PLAT: variants seen among roughly 807,000 people sequenced by gnomAD.
PLAT encodes the protein plasminogen activator, tissue type, also known as tissue-type plasminogen activator.
PLAT carries 48 observed loss-of-function variants against 74.9 expected under a neutral mutation model. That is an observed-to-expected ratio of 0.64 (90% CI 0.51 to 0.82). PLAT has a LOEUF of 0.82. PLAT is among the 40% of genes least tolerant of loss of function. PLAT has a pLI of 0.00. For synonymous variants in PLAT, 307 were observed against 294.4 expected (o/e 1.04, Z -0.44); for missense variants, 673 against 736.2 (o/e 0.91, Z 0.99).
chr8:42,192,002 CTTTTTT>C (rs1177070988), intron 2 of PLAT, among the ~76,000 whole-genome samples: 2 of 127,136 alleles, frequency 1.6e-5, no homozygotes, highest in African/African-American at 5.9e-5. Context: ...TTGCCTTTTT[CTTTTTT>C]TTTTTTTTTT....
chr8:42,202,331 G>A (rs1174879514), intron 1 of PLAT, among the ~76,000 whole-genome samples: 2 of 152,160 alleles, frequency 1.3e-5, no homozygotes, highest in Non-Finnish European at 2.9e-5. Flanking sequence ...TGTGTGCCCG[G>A]CCTCTGTTAG....
intron 1 of PLAT, among the ~76,000 whole-genome samples, chr8:42,200,832 CTTTT>C (rs939148071): frequency 6.8e-6 from 1 of 146,920 alleles, no homozygotes; most frequent in Non-Finnish European, 1.5e-5. Context: ...CCAATTGTAA[CTTTT>C]TTTTTTTTTC....
At chr8:42,196,075 G>A (rs973569000) in intron 1 of PLAT, among the ~76,000 whole-genome samples, 22 of 152,152 alleles carry the variant, frequency 1.4e-4, no homozygotes, top group African/African-American at 3.1e-4. Context: ...CCCAGATGCC[G>A]GGAAACTGCA....
chr8:42,197,935 C>A (rs181038226), intron 1 of PLAT, among the ~76,000 whole-genome samples: 1 of 152,196 alleles, frequency 6.6e-6, no homozygotes, highest in Admixed American at 6.5e-5. Context: ...TGACATCCTG[C>A]GGTTTCTGTT....
chr8:42,203,006 C>T (rs1344406996), intron 1 of PLAT, among the ~76,000 whole-genome samples: 1 of 152,142 alleles, frequency 6.6e-6, no homozygotes, highest in African/African-American at 2.4e-5. Flanking sequence ...GACAGTCGCC[C>T]CCGGGCTCTT....
chr8:42,194,050 CTT>C (rs59850705), intron 1 of PLAT, among the ~76,000 whole-genome samples: 56 of 84,918 alleles, frequency 6.6e-4, no homozygotes, highest in African/African-American at 2.2e-3. Context: ...TTTCTTCTTT[CTT>C]TTTTTTTTTT....
chr8:42,191,451 A>G (rs778258797), intron 2 of PLAT, 37 bp from the exon 3 acceptor site: 1 of 1,606,912 alleles, frequency 6.2e-7, no homozygotes. Flanking sequence ...GGATCAGCAC[A>G]TGCCAGGTGT....
At chr8:42,182,943 A>G (rs1805310010) in intron 7 of PLAT, 53 bp from the exon 8 acceptor site, 1 of 1,478,466 alleles carries the variant, frequency 6.8e-7, no homozygotes, top group East Asian at 2.3e-5. Context: ...GAAGCACGCA[A>G]GTCAGGGCTG....
At chr8:42,195,175 C>T (rs1474432655) in intron 1 of PLAT, among the ~76,000 whole-genome samples, 1 of 151,928 alleles carries the variant, frequency 6.6e-6, no homozygotes, top group Non-Finnish European at 1.5e-5. Flanking sequence ...CAGGCCTTGC[C>T]TCCCTGCCTG....
chr8:42,187,194 A>G (rs1330395040), intron 6 of PLAT: 1 of 480,408 alleles, frequency 2.1e-6, no homozygotes, highest in Non-Finnish European at 3.7e-6. Flanking sequence ...TGTATCATCT[A>G]TTTATCTAAT....
intron 11 of PLAT, 57 bp downstream of exon 11, chr8:42,180,185 C>CA: frequency 6.2e-7 from 1 of 1,606,186 alleles, no homozygotes; most frequent in Non-Finnish European, 8.5e-7. Context: ...TAGGTGAGTG[C>CA]ATGTGGGTGT....
At chr8:42,186,812 T>C (rs1157656683) in intron 6 of PLAT, 3 of 149,598 alleles carry the variant, frequency 2.0e-5, no homozygotes, top group African/African-American at 7.3e-5. Flanking sequence ...CACCTATGTA[T>C]CTATCATCTA....
rs780106353 is a variant in PLAT, at chr8:42,175,565, C to G, written c.*428G>C. ...CTGGGCTCTTGTGACTATAAATATACTGTCTATTTCTAATGCAATCCGTCT... is the reference window on the plus strand; with the variant it reads ...CTGGGCTCTTGTGACTATAAATATAGTGTCTATTTCTAATGCAATCCGTCT... On this transcript the variant is annotated 3_prime_UTR_variant, in exon 14 of 14. Coordinates refer to ENST00000220809, the MANE Select transcript of PLAT (RefSeq NM_000930.5). 2 of 156,804 alleles carry G rather than the reference C, an allele frequency of 1.3e-5. No homozygotes were observed. Among genetic ancestry groups the G allele is most frequent in the Non-Finnish European group, 2.8e-5 (2 of 70,782 alleles). 9.7% of individuals were successfully genotyped at this position (156,804 alleles called of 1,614,324 possible). A position where few individuals can be genotyped will look rare whatever the true frequency, so the allele number is the denominator to read the frequency against.
intron 4 of PLAT, 47 bp from the exon 5 acceptor site, chr8:42,188,063 G>T: frequency 8.6e-7 from 1 of 1,161,432 alleles, no homozygotes; most frequent in Non-Finnish European, 1.3e-6. Flanking sequence ...CTCCTTCTGT[G>T]TGCTCAGGCC....
chr8:42,205,659 C>A (rs2976684), intron 1 of PLAT, among the ~76,000 whole-genome samples: 4 of 152,184 alleles, frequency 2.6e-5, no homozygotes, highest in African/African-American at 9.7e-5. Flanking sequence ...TCTTATCTAC[C>A]TATGACCTGG....
chr8:42,190,442 C>A (rs1805640491), intron 3 of PLAT, among the ~76,000 whole-genome samples: 1 of 152,058 alleles, frequency 6.6e-6, no homozygotes, highest in South Asian at 2.1e-4. Flanking sequence ...ATTTTCATGC[C>A]ATCTTTCTGT....
chr8:42,185,350 G>A (rs1339884779), intron 6 of PLAT, 178 bp from the exon 7 acceptor site: 26 of 430,412 alleles, frequency 6.0e-5, no homozygotes, highest in East Asian at 7.3e-5. Context: ...TGCAACCTCC[G>A]TTTCCTGGAT....
At chr8:42,203,298 G>A (rs1331388205) in intron 1 of PLAT, among the ~76,000 whole-genome samples, 1 of 152,164 alleles carries the variant, frequency 6.6e-6, no homozygotes, top group Non-Finnish European at 1.5e-5. Flanking sequence ...CGTGTGTCAG[G>A]AGCATCGCGT....
chr8:42,196,475 C>T (rs901185697), intron 1 of PLAT, among the ~76,000 whole-genome samples: 1 of 152,186 alleles, frequency 6.6e-6, no homozygotes. Flanking sequence ...AATGAGTCAT[C>T]CGGCCAGCAG....
Sources: allele counts gnomAD v4.1 joint callset (sites outside exome capture counted in the v4.1 genomes callset), GRCh38; gene constraint gnomAD v4.1.1; transcripts MANE v1.5; gene names NCBI Gene and HGNC (gene_info 2026-07-23, HGNC 2026-07-21).